Variants in SHANK2 observed in about 807,000 individuals in gnomAD.
SHANK2 encodes the protein SH3 and multiple ankyrin repeat domains protein 2.
A neutral mutation model predicts 133.7 loss-of-function variants in SHANK2; 43 were observed. The observed-to-expected ratio is 0.32, with a 90% CI of 0.25 to 0.41. The LOEUF (loss-of-function observed/expected upper bound fraction) is 0.41. Among genes scored for constraint, SHANK2 ranks in the 10% least tolerant of loss-of-function variants. SHANK2 has a pLI of 1.00. For missense variants in SHANK2, 1,994 were observed against 2,235.8 expected, an observed-to-expected ratio of 0.89 and a Z score of 2.18; for synonymous variants, 1,017 against 952.8, an observed-to-expected ratio of 1.07 and a Z score of -1.24.
chr11:70,853,203 T>C (rs574213522), intron 11 of SHANK2, among the ~76,000 whole-genome samples: 1 of 152,350 alleles, frequency 6.6e-6, no homozygotes, highest in East Asian at 1.9e-4. Context: ...CAACACTCCG[T>C]GAGCTCTGGA....
chr11:70,746,057 A>G (rs1164174812), intron 14 of SHANK2, among the ~76,000 whole-genome samples: 2 of 152,336 alleles, frequency 1.3e-5, no homozygotes, highest in African/African-American at 4.8e-5. Context: ...TACTGAAGGG[A>G]AAATCACACA....
intron 11 of SHANK2, among the ~76,000 whole-genome samples, chr11:70,886,379 C>T (rs140789003): frequency 6.6e-6 from 1 of 152,294 alleles, no homozygotes; most frequent in African/African-American, 2.4e-5. Context: ...TTATTCTTAA[C>T]ATGCACAGGA....
intron 11 of SHANK2, among the ~76,000 whole-genome samples, chr11:70,833,040 T>C (rs1339394562): frequency 6.6e-6 from 1 of 152,218 alleles, no homozygotes; most frequent in African/African-American, 2.4e-5. Context: ...CTGCACCCCA[T>C]GTCCTGCCTG....
At chr11:70,760,381 A>T (rs1385977647) in intron 14 of SHANK2, among the ~76,000 whole-genome samples, 7 of 152,192 alleles carry the variant, frequency 4.6e-5, no homozygotes, top group African/African-American at 1.7e-4. Context: ...AAATTTATAA[A>T]TCGTGCAATT....
chr11:70,725,967 T>C (rs1946172797), intron 14 of SHANK2, among the ~76,000 whole-genome samples: 1 of 152,210 alleles, frequency 6.6e-6, no homozygotes, highest in Non-Finnish European at 1.5e-5. Flanking sequence ...TCGAAGCAGC[T>C]GGATGCCCAG....
At chr11:71,208,670 C>A (rs1954184244) in intron 2 of SHANK2, among the ~76,000 whole-genome samples, 1 of 152,102 alleles carries the variant, frequency 6.6e-6, no homozygotes, top group Non-Finnish European at 1.5e-5. Flanking sequence ...GGCTTGGAAT[C>A]CTGATTCCAA....
chr11:70,704,747 T>G (rs1164556695), intron 14 of SHANK2, among the ~76,000 whole-genome samples: 3 of 152,180 alleles, frequency 2.0e-5, no homozygotes, highest in Admixed American at 1.3e-4. Flanking sequence ...CAGGGAGAGA[T>G]GGACACAAAA....
Position 70,698,917 on chromosome 11 carries a change from T to C in SHANK2, c.1778-154A>G, listed in dbSNP as rs1945459276. 5.4e-5 allele frequency: 37 copies of C among 689,250 alleles called. 1 individual carries two copies. The highest frequency in any genetic ancestry group is 4.8e-4 in the South Asian group (31 of 65,094). 42.7% of individuals were successfully genotyped at this position (689,250 alleles called of 1,614,324 possible). A position where few individuals can be genotyped will look rare whatever the true frequency, so the allele number is the denominator to read the frequency against. On this transcript the variant is annotated intron_variant, in intron 14 of 25. Coordinates refer to ENST00000601538, the MANE Select transcript of SHANK2 (RefSeq NM_012309.5). The stretch of plus-strand genomic sequence containing the variant: ...GAGTCTGGAGGAAAATGAGGCCTGG[T>C]TCTGGGGCTCAACTTTGTGAAATTT...
At chr11:70,845,732 A>T (rs1375309617) in intron 11 of SHANK2, among the ~76,000 whole-genome samples, 2 of 152,196 alleles carry the variant, frequency 1.3e-5, no homozygotes, top group East Asian at 3.8e-4. Flanking sequence ...GGGTGAATGA[A>T]TGCACATTTC....
At chr11:71,146,084 C>A (rs1284124966) in intron 3 of SHANK2, among the ~76,000 whole-genome samples, 1 of 152,190 alleles carries the variant, frequency 6.6e-6, no homozygotes, top group East Asian at 1.9e-4. Flanking sequence ...GCCACCCCCA[C>A]CCACATTCCC....
At chr11:70,770,669 T>A (rs1046326784) in intron 14 of SHANK2, among the ~76,000 whole-genome samples, 5 of 152,148 alleles carry the variant, frequency 3.3e-5, no homozygotes, top group South Asian at 2.1e-4. Context: ...CGTTTACAAA[T>A]AAAAAGCTCC....
chr11:70,536,134 C>A (rs782353261), intron 17 of SHANK2, among the ~76,000 whole-genome samples: 46 of 152,210 alleles, frequency 3.0e-4, no homozygotes, highest in Non-Finnish European at 5.9e-4. Flanking sequence ...CTGAAGCCCA[C>A]CCAGGTCTGC....
chr11:70,774,079 A>G (rs1010438664), intron 14 of SHANK2, among the ~76,000 whole-genome samples: 4 of 152,260 alleles, frequency 2.6e-5, no homozygotes, highest in Non-Finnish European at 5.9e-5. Context: ...ATCTTCTAAT[A>G]GAAACAAAGT....
At chr11:70,906,372 C>T (rs997706675) in intron 10 of SHANK2, among the ~76,000 whole-genome samples, 3 of 152,154 alleles carry the variant, frequency 2.0e-5, no homozygotes, top group Admixed American at 6.5e-5. Context: ...CACAGTGTGA[C>T]CTGTTCCCTG....
chr11:70,901,475 C>T (rs1950022256), intron 10 of SHANK2, among the ~76,000 whole-genome samples: 1 of 152,108 alleles, frequency 6.6e-6, no homozygotes, highest in Admixed American at 6.5e-5. Flanking sequence ...TTTTCAGAGC[C>T]CTAGAGGCCT....
intron 15 of SHANK2, among the ~76,000 whole-genome samples, chr11:70,686,967 T>A (rs1945169363): frequency 6.6e-6 from 1 of 152,188 alleles, no homozygotes; most frequent in African/African-American, 2.4e-5. Context: ...CTAAGAGCAC[T>A]CCTGCCCATC....
At chr11:71,104,545 T>C (rs1590915669) in intron 6 of SHANK2, among the ~76,000 whole-genome samples, 1 of 152,248 alleles carries the variant, frequency 6.6e-6, no homozygotes, top group African/African-American at 2.4e-5. Context: ...CGTTGGAACT[T>C]GCGTTTAGCT....
chr11:70,872,664 C>A (rs1949488508), intron 11 of SHANK2, among the ~76,000 whole-genome samples: 1 of 152,030 alleles, frequency 6.6e-6, no homozygotes, highest in Non-Finnish European at 1.5e-5. Flanking sequence ...AGAGATGGGT[C>A]CCTGGACCAC....
At chr11:70,884,620 G>C (rs1187626071) in intron 11 of SHANK2, among the ~76,000 whole-genome samples, 5 of 152,198 alleles carry the variant, frequency 3.3e-5, no homozygotes, top group Non-Finnish European at 7.3e-5. Flanking sequence ...GGGTCTTCTG[G>C]GACAGACCTC....
Sources: allele counts gnomAD v4.1 joint callset (sites outside exome capture counted in the v4.1 genomes callset), GRCh38; gene constraint gnomAD v4.1.1; transcripts MANE v1.5; gene names NCBI Gene and HGNC (gene_info 2026-07-23, HGNC 2026-07-21).